DNAJC14: variants seen among roughly 807,000 people sequenced by gnomAD.
DNAJC14 encodes dnaJ homolog subfamily C member 14.
DNAJC14 carries 12 observed loss-of-function variants against 68.8 expected under a neutral mutation model. The ratio of observed to expected loss-of-function variants is 0.17; its 90% confidence interval spans 0.11 to 0.28. The LOEUF is 0.28. Ranked by LOEUF, DNAJC14 falls within the 10% of genes least tolerant of loss-of-function variation. DNAJC14 has a pLI of 1.00. For synonymous variants in DNAJC14, 350 were observed against 321.5 expected (o/e 1.09, Z -0.95); for missense variants, 764 against 875.6 (o/e 0.87, Z 1.61).
chr12:55,827,729 G>A lies in DNAJC14; in HGVS notation c.930C>T (p.Ser310=), dbSNP rs1023028072. Residue 310 remains serine, a synonymous_variant, in exon 2 of 7, where the codon AGC becomes AGT. Coordinates refer to ENST00000678005, the MANE Select transcript of DNAJC14 (RefSeq NM_032364.6). ...GWAQVMFQFL[S]QGFYCGVGLF... ...GTCCTACTCCACAGTAAAACCCCTG[G>A]CTTAGAAACTGAAACATGACCTGGG... The A allele has an allele frequency of 3.7e-6, 6 of 1,614,108 alleles. No homozygotes were observed. The highest frequency in any genetic ancestry group is 5.1e-6 in the Non-Finnish European group (6 of 1,180,006).
intron 2 of DNAJC14, among the ~76,000 whole-genome samples, chr12:55,826,417 T>C (rs1880796570): frequency 6.6e-6 from 1 of 150,470 alleles, no homozygotes; most frequent in South Asian, 2.2e-4. Flanking sequence ...ACTACAGGCA[T>C]GTGCCACCAA....
Position 55,822,037 on chromosome 12 carries a change from T to C in DNAJC14, c.2049A>G (p.Val683=). 6.2e-7 allele frequency: 1 copy of C among 1,614,032 alleles called. No homozygotes were observed. The highest frequency in any genetic ancestry group is 8.5e-7 in the Non-Finnish European group (1 of 1,179,976). ...GCTTAGGTTTGGCTTCTCCCTTGGG[T>C]ACTGTGCTGTTGGGCTTAGAGGCTG... ...AAAASKPNST[V]PKGEAKPKRR... The change falls in exon 7 of 7, where the codon GTA becomes GTG. Residue 683 remains valine, a synonymous_variant. Transcript: ENST00000678005.
In DNAJC14 at chr12:55,829,567, TC is replaced by T. The variant is rs1227970135; in HGVS notation, c.-136del. Reference sequence around the variant, plus strand: ...GAGCTACGAGAGCCGCTCTCCCGGCTCCGCCTCCCGCTCACGCTCTGCTTCC... The same window carrying T: ...GAGCTACGAGAGCCGCTCTCCCGGCTCGCCTCCCGCTCACGCTCTGCTTCC... On this transcript the variant is annotated 5_prime_UTR_variant, in exon 1 of 7. Coordinates refer to ENST00000678005, the MANE Select transcript of DNAJC14 (RefSeq NM_032364.6). 15 of 984,648 alleles carry T rather than the reference TC, an allele frequency of 1.5e-5. No individual in the cohort carries two copies. Among genetic ancestry groups the T allele is most frequent in the Non-Finnish European group, 1.6e-5 (13 of 829,840 alleles). The allele number at this position is 984,648 out of a possible 1,614,324, so 61.0% of individuals were successfully genotyped here.
chr12:55,828,505 A>C lies in DNAJC14; in HGVS notation c.154T>G (p.Cys52Gly). 1 of 1,614,138 alleles carries C rather than the reference A, an allele frequency of 6.2e-7. No homozygotes were observed. Among genetic ancestry groups the C allele is most frequent in the South Asian group, 1.1e-5 (1 of 91,082 alleles). ...TTAGGACCAGAGTGCTCTGTGAGGC[A>C]GCGGGTACCATTAGGAGCAGTCCCT... ...SAGTAPNGTR[C>G]LTEHSGPKHT... The change falls in exon 2 of 7, where the codon TGC (cysteine) becomes GGC (glycine). Residue 52 changes from cysteine (C) to glycine (G), a missense_variant. Transcript: ENST00000678005.
chr12:55,823,178 G>C lies in DNAJC14; in HGVS notation c.1526C>G (p.Ala509Gly). 1.2e-6 allele frequency: 2 copies of C among 1,614,050 alleles called. No individual in the cohort carries two copies. Among genetic ancestry groups the C allele is most frequent in the Non-Finnish European group, 1.7e-6 (2 of 1,180,026 alleles). The change falls in exon 4 of 7, where the codon GCA (alanine) becomes GGA (glycine). Residue 509 changes from alanine (A) to glycine (G), a missense_variant. This residue lies in a region of DNAJC14 where 110 missense variants were observed against 162.7 expected (regional missense o/e 0.68). Coordinates refer to ENST00000678005, the MANE Select transcript of DNAJC14 (RefSeq NM_032364.6). ...TACTGACCGGCTCAGCTCATTCTCT[G>C]CCATTCGTTTCCTAATAGAAGAAAT... Reference protein sequence around the residue: ...KRKEYEMKRMAENELSRSVNE... With the variant: ...KRKEYEMKRMGENELSRSVNE...
chr12:55,828,443 G>A lies in DNAJC14; in HGVS notation c.216C>T (p.Asp72=), dbSNP rs1344320512. The change falls in exon 2 of 7, where the codon GAC becomes GAT. Residue 72 remains aspartate, a synonymous_variant. Coordinates refer to ENST00000678005, the MANE Select transcript of DNAJC14 (RefSeq NM_032364.6). ...TQHPNPAHWL[D]PSHGPPGGPG... Reference sequence around the variant, plus strand: ...GACCCCCTGGGGGGCCATGGCTTGGGTCCAACCAATGGGCTGGGTTTGGGT... The same window carrying A: ...GACCCCCTGGGGGGCCATGGCTTGGATCCAACCAATGGGCTGGGTTTGGGT... The A allele has an allele frequency of 1.9e-6, 3 of 1,614,034 alleles. No individual in the cohort carries two copies. Among genetic ancestry groups the A allele is most frequent in the Admixed American group, 1.7e-5 (1 of 60,004 alleles).
At chr12:55,822,964 T>C (rs1234565450) in intron 4 of DNAJC14, 106 bp downstream of exon 4, 50 of 1,527,822 alleles carry the variant, frequency 3.3e-5, no homozygotes, top group Non-Finnish European at 3.0e-5. Context: ...TTTTACTAAT[T>C]ATGAGATACA....
At position 55,828,095 on chromosome 12, in the gene DNAJC14, G is replaced by A. The variant is rs1592595295; in HGVS notation, c.564C>T (p.Ser188=). ...GTCTCCGGGATGGGGGTTTCTTTCC[G>A]CTGGACACACGTGAAAAATCACTGG... ...KFPSDFSRVS[S]GKKPPSRRQR... is the part of the protein sequence containing the mutation. Residue 188 remains serine (S), a synonymous_variant, in exon 2 of 7, where the codon AGC becomes AGT. Coordinates refer to ENST00000678005, the MANE Select transcript of DNAJC14 (RefSeq NM_032364.6). 4 of 1,602,392 alleles carry A rather than the reference G, an allele frequency of 2.5e-6. No homozygotes were observed. Among genetic ancestry groups the A allele is most frequent in the East Asian group, 2.2e-5 (1 of 44,782 alleles).
At position 55,829,580 on chromosome 12, in the gene DNAJC14, C is replaced by G; in HGVS notation, c.-148G>C. The G allele has an allele frequency of 1.0e-6, 1 of 985,520 alleles. No homozygotes were observed. The highest frequency in any genetic ancestry group is 1.2e-6 in the Non-Finnish European group (1 of 829,962). The allele number at this position is 985,520 out of a possible 1,614,324, so 61.0% of individuals were successfully genotyped here. ...CGCTCTCCCGGCTCCGCCTCCCGCT[C>G]ACGCTCTGCTTCCGCCTTCCGTCCC... On this transcript the variant is annotated 5_prime_UTR_variant, in exon 1 of 7. Transcript: ENST00000678005.
rs1452129186 is a variant in DNAJC14 at position 55,829,577 on chromosome 12, GCT to G, written c.-147_-146del. 1.6e-5 allele frequency: 16 copies of G among 985,068 alleles called. No homozygotes were observed. The highest frequency in any genetic ancestry group is 1.8e-5 in the Non-Finnish European group (15 of 829,910). 61.0% of individuals were successfully genotyped at this position (985,068 alleles called of 1,614,324 possible). ...AGCCGCTCTCCCGGCTCCGCCTCCC[GCT>G]CACGCTCTGCTTCCGCCTTCCGTCC... On this transcript the variant is annotated 5_prime_UTR_variant, in exon 1 of 7. Coordinates refer to ENST00000678005, the MANE Select transcript of DNAJC14 (RefSeq NM_032364.6).
Position 55,829,538 on chromosome 12 carries a change from G to A in DNAJC14, c.-106C>T, listed in dbSNP as rs1036298497. 1.4e-4 allele frequency: 136 copies of A among 984,718 alleles called. No homozygotes were observed. The highest frequency in any genetic ancestry group is 1.6e-4 in the Non-Finnish European group (131 of 829,892). The allele number at this position is 984,718 out of a possible 1,614,324, so 61.0% of individuals were successfully genotyped here. On this transcript the variant is annotated 5_prime_UTR_variant, in exon 1 of 7. Coordinates refer to ENST00000678005, the MANE Select transcript of DNAJC14 (RefSeq NM_032364.6). ...CCTCGAGCCGCCCGGCCTGGGGCCA[G>A]GGTGAGCTACGAGAGCCGCTCTCCC...
In DNAJC14 at chr12:55,823,202, A is replaced by T. The variant is rs1385197252; in HGVS notation, c.1515-13T>A. ...TGCCATTCGTTTCCTAATAGAAGAA[A>T]TGCTTTGTAAGTCAGAAGGTATTGA... is the stretch of plus-strand genomic sequence containing the variant. On this transcript the variant is annotated splice_polypyrimidine_tract_variant and intron_variant, in intron 3 of 6. Coordinates refer to ENST00000678005, the MANE Select transcript of DNAJC14 (RefSeq NM_032364.6). The T allele has an allele frequency of 1.9e-6, 3 of 1,614,088 alleles. No individual in the cohort carries two copies. In the South Asian group the frequency reaches 3.3e-5, roughly 18 times the overall value.
chr12:55,827,787 A>G lies in DNAJC14; in HGVS notation c.872T>C (p.Met291Thr), dbSNP rs1880841113. ...CCCTAACCGCCCTGTCCACACTCCCATCCAAACTCGAAAAAGGTCCAAATC... is the reference window on the plus strand; with the variant it reads ...CCCTAACCGCCCTGTCCACACTCCCGTCCAAACTCGAAAAAGGTCCAAATC... The part of the protein sequence containing the change: ...SSDLDLFRVW[M>T]GVWTGRLGGW... Residue 291 changes from methionine to threonine, a missense_variant, in exon 2 of 7, where the codon ATG (methionine) becomes ACG (threonine). This residue lies in a region of DNAJC14 where 514 missense variants were observed against 521.7 expected (regional missense o/e 0.99). Coordinates refer to ENST00000678005, the MANE Select transcript of DNAJC14 (RefSeq NM_032364.6). 2.5e-6 allele frequency: 4 copies of G among 1,613,978 alleles called. No individual in the cohort carries two copies. The highest frequency in any genetic ancestry group is 3.4e-6 in the Non-Finnish European group (4 of 1,179,916).
At chr12:55,830,141 C>G (rs949424995), upstream of DNAJC14, 1 of 152,248 alleles carries the variant, frequency 6.6e-6, no homozygotes, top group Non-Finnish European at 1.5e-5. Flanking sequence ...CGGCCTCCCC[C>G]GCGCTTGACC....
Position 55,822,515 on chromosome 12 carries a change from T to G in DNAJC14, c.1796-40A>C, listed in dbSNP as rs377717282. 5.0e-6 allele frequency: 8 copies of G among 1,613,778 alleles called. No individual in the cohort carries two copies. In the African/African-American group the frequency reaches 1.1e-4, roughly 22 times the overall value. On this transcript the variant is annotated intron_variant, in intron 5 of 6. Transcript: ENST00000678005. The stretch of plus-strand genomic sequence containing the variant: ...AATAATTAGCCAAAACGTCGCAGTT[T>G]AGAGCACATAAAAGATCAGGAAGTA...
Position 55,827,239 on chromosome 12 carries a change from G to T in DNAJC14, c.1407+13C>A. 1 of 1,421,556 alleles carries T rather than the reference G, an allele frequency of 7.0e-7. No individual in the cohort carries two copies. 88.1% of individuals were successfully genotyped at this position (1,421,556 alleles called of 1,614,324 possible). A position where few individuals can be genotyped will look rare whatever the true frequency, so the allele number is the denominator to read the frequency against. ...GAACAAAAGAGAGAAACAGGAAACA[G>T]AAGGGTACTCACCATCACTGCCAGC... is the stretch of plus-strand genomic sequence containing the variant. On this transcript the variant is annotated intron_variant, in intron 2 of 6. Transcript: ENST00000678005.
intron 2 of DNAJC14, 129 bp downstream of exon 2, chr12:55,827,123 G>A (rs1400492548): frequency 1.5e-5 from 14 of 949,232 alleles, no homozygotes; most frequent in South Asian, 3.7e-5. Flanking sequence ...CCCAGGAGGC[G>A]GAGGTTGTAG....
chr12:55,823,244 G>A (rs1342181829), intron 3 of DNAJC14, 55 bp from the exon 4 acceptor site: 12 of 1,612,516 alleles, frequency 7.4e-6, no homozygotes, highest in Non-Finnish European at 1.0e-5. Context: ...GACAAAGGAA[G>A]ACATATCAGT....
At chr12:55,830,400 C>T (rs1184836309), upstream of DNAJC14, 1 of 152,274 alleles carries the variant, frequency 6.6e-6, no homozygotes, top group Non-Finnish European at 1.5e-5. Flanking sequence ...TTCCGTCGGT[C>T]CCCTCCTCTG....
Sources: allele counts gnomAD v4.1 joint callset (sites outside exome capture counted in the v4.1 genomes callset), GRCh38; gene constraint gnomAD v4.1.1; regional missense constraint gnomAD v4.1.1; transcripts MANE v1.5; gene names NCBI Gene and HGNC (gene_info 2026-07-23, HGNC 2026-07-21).